CNBD1: variants seen among roughly 807,000 people sequenced by gnomAD.
CNBD1 encodes cyclic nucleotide binding domain containing 1, also known as cyclic nucleotide-binding domain-containing protein 1.
Under a neutral mutation model 54.4 loss-of-function variants are expected in CNBD1, and 71 were observed. The observed-to-expected ratio is 1.30, with a 90% CI of 1.08 to 1.59. The LOEUF (loss-of-function observed/expected upper bound fraction) is 1.59, where lower values mean the gene tolerates loss of function less well. CNBD1 is among the 40% of genes most tolerant of loss of function. The probability of loss-of-function intolerance (pLI) is 0.00; values close to 1 mark genes in which losing one functional copy is unlikely to be tolerated. For synonymous variants in CNBD1, 182 were observed against 170.7 expected (o/e 1.07, Z -0.51); for missense variants, 659 against 518.0 (o/e 1.27, Z -2.64).
downstream of CNBD1, among the ~76,000 whole-genome samples, chr8:87,386,732 A>T (rs1449901544): frequency 6.6e-6 from 1 of 152,228 alleles, no homozygotes; most frequent in Non-Finnish European, 1.5e-5. Flanking sequence ...GCAGGCCAAC[A>T]TTCAAATTCA....
chr8:86,999,255 G>T (rs543522999), intron 4 of CNBD1, among the ~76,000 whole-genome samples: 105 of 152,310 alleles, frequency 6.9e-4, no homozygotes, highest in African/African-American at 2.3e-3. Context: ...TGGATTAAGA[G>T]AAAAGGCAGC....
At chr8:87,117,398 C>CAAA (rs57622902) in intron 4 of CNBD1, among the ~76,000 whole-genome samples, 8,844 of 107,000 alleles carry the variant, frequency 0.083, 870 homozygotes, top group African/African-American at 0.25. Context: ...GATTCCGTCT[C>CAAA]AAAAAAAAAA....
intron 5 of CNBD1, among the ~76,000 whole-genome samples, chr8:87,227,312 G>C (rs1814524654): frequency 6.8e-6 from 1 of 146,476 alleles, no homozygotes. Flanking sequence ...TTGCTCGTTA[G>C]TTGATGCAGT....
intron 4 of CNBD1, among the ~76,000 whole-genome samples, chr8:86,958,482 T>C (rs1482637131): frequency 1.3e-5 from 2 of 152,232 alleles, no homozygotes; most frequent in Non-Finnish European, 2.9e-5. Flanking sequence ...TGTTGGTCTC[T>C]AGGGACTTGC....
At chr8:87,365,058 G>A (rs1004704389) in intron 10 of CNBD1, among the ~76,000 whole-genome samples, 2 of 151,930 alleles carry the variant, frequency 1.3e-5, no homozygotes, top group African/African-American at 4.8e-5. Flanking sequence ...GGTCTTTGAG[G>A]GGTTGCCACA....
chr8:87,362,882 T>A (rs1810551624), intron 10 of CNBD1, among the ~76,000 whole-genome samples: 1 of 152,046 alleles, frequency 6.6e-6, no homozygotes, highest in Admixed American at 6.6e-5. Flanking sequence ...TAACTTTTTT[T>A]TTGTACTTTA....
chr8:86,992,592 T>C (rs77713357), intron 4 of CNBD1, among the ~76,000 whole-genome samples: 1 of 152,276 alleles, frequency 6.6e-6, no homozygotes, highest in Non-Finnish European at 1.5e-5. Context: ...TGTGTCCTTG[T>C]GGTAGCAAGT....
chr8:87,132,795 G>GTATATATATATACATATATA (rs1483614471), intron 4 of CNBD1, among the ~76,000 whole-genome samples: 21 of 144,434 alleles, frequency 1.5e-4, no homozygotes, highest in African/African-American at 4.7e-4. Context: ...ATATATATAT[G>GTATATATATATACATATATA]TGTATATATA....
intron 8 of CNBD1, among the ~76,000 whole-genome samples, chr8:87,337,854 A>G (rs894802687): frequency 1.3e-5 from 2 of 152,164 alleles, no homozygotes; most frequent in Non-Finnish European, 1.5e-5. Context: ...CAGGATTTGC[A>G]TGCTGCTTTG....
At chr8:87,226,663 A>G (rs1418350701) in intron 5 of CNBD1, among the ~76,000 whole-genome samples, 1 of 151,806 alleles carries the variant, frequency 6.6e-6, no homozygotes, top group Non-Finnish European at 1.5e-5. Context: ...ACTTCCAACT[A>G]TGTGGTCAAT....
At chr8:86,962,835 G>C (rs1048739468) in intron 4 of CNBD1, among the ~76,000 whole-genome samples, 2 of 152,016 alleles carry the variant, frequency 1.3e-5, no homozygotes, top group Non-Finnish European at 2.9e-5. Context: ...AAATCTGACT[G>C]GCAAGAACCT....
At chr8:86,959,039 G>A (rs1807858223) in intron 4 of CNBD1, among the ~76,000 whole-genome samples, 1 of 152,142 alleles carries the variant, frequency 6.6e-6, no homozygotes, top group South Asian at 2.1e-4. Flanking sequence ...TGTAAAGCAG[G>A]CCTGGTGGTG....
At chr8:87,340,980 C>T (rs192393685) in intron 8 of CNBD1, among the ~76,000 whole-genome samples, 9 of 152,022 alleles carry the variant, frequency 5.9e-5, no homozygotes, top group Non-Finnish European at 1.0e-4. Flanking sequence ...TTAGTATCTG[C>T]GTATTTGAAA....
intron 4 of CNBD1, among the ~76,000 whole-genome samples, chr8:87,140,022 C>G (rs1812340460): frequency 6.6e-6 from 1 of 152,088 alleles, no homozygotes; most frequent in Admixed American, 6.6e-5. Flanking sequence ...ATATTAGTTT[C>G]ACCAAGATCC....
At chr8:86,943,065 AC>A (rs1487881565) in intron 4 of CNBD1, among the ~76,000 whole-genome samples, 14 of 151,990 alleles carry the variant, frequency 9.2e-5, no homozygotes, top group African/African-American at 3.4e-4. Flanking sequence ...AAAAAAAAAA[AC>A]ATTTTGAGTC....
chr8:87,054,096 T>C (rs1810366272), intron 4 of CNBD1, among the ~76,000 whole-genome samples: 1 of 152,218 alleles, frequency 6.6e-6, no homozygotes, highest in African/African-American at 2.4e-5. Flanking sequence ...GAGCCAGATG[T>C]CTGATAGAAA....
intron 4 of CNBD1, among the ~76,000 whole-genome samples, chr8:86,944,735 C>G (rs533415026): frequency 1.2e-4 from 18 of 152,036 alleles, no homozygotes; most frequent in Non-Finnish European, 1.9e-4. Context: ...GTCTCATAGC[C>G]CATGAAGGGA....
intron 4 of CNBD1, among the ~76,000 whole-genome samples, chr8:86,969,821 C>CACACACAT (rs1794831291): frequency 7.4e-6 from 1 of 135,112 alleles, no homozygotes; most frequent in Non-Finnish European, 1.6e-5. Flanking sequence ...CACACACACA[C>CACACACAT]ATATATATAG....
chr8:87,240,134 T>C (rs1394432487), intron 6 of CNBD1, among the ~76,000 whole-genome samples: 1 of 151,798 alleles, frequency 6.6e-6, no homozygotes, highest in African/African-American at 2.4e-5. Flanking sequence ...ATATTTCATA[T>C]TTATATACTT....
Sources: allele counts gnomAD v4.1 joint callset (sites outside exome capture counted in the v4.1 genomes callset), GRCh38; gene constraint gnomAD v4.1.1; transcripts MANE v1.5; gene names NCBI Gene and HGNC (gene_info 2026-07-23, HGNC 2026-07-21).